The following PDE1A variants were observed in gnomAD, a reference collection of about 807,000 sequenced individuals.
PDE1A encodes the protein dual specificity calcium/calmodulin-dependent 3',5'-cyclic nucleotide phosphodiesterase 1A.
Under a neutral mutation model 61.7 loss-of-function variants are expected in PDE1A, and 35 were observed. That is an observed-to-expected ratio of 0.57 (90% CI 0.43 to 0.75). The LOEUF is 0.75. PDE1A is among the 30% of genes least tolerant of loss of function. The pLI is 0.00. For missense variants in PDE1A, 597 were observed against 630.6 expected (o/e 0.95, Z 0.57); for synonymous variants, 232 against 213.2 (o/e 1.09, Z -0.77).
At chr2:182,263,204 A>G (rs1421704368) in intron 2 of PDE1A, among the ~76,000 whole-genome samples, 1 of 152,114 alleles carries the variant, frequency 6.6e-6, no homozygotes, top group Non-Finnish European at 1.5e-5. Flanking sequence ...TGCGAGAGGC[A>G]GGAAATTATA....
chr2:182,527,379 T>C (rs1250133302), upstream of PDE1A, among the ~76,000 whole-genome samples: 13 of 85,038 alleles, frequency 1.5e-4, no homozygotes, highest in Non-Finnish European at 3.1e-4. Context: ...TATATACACA[T>C]ATATATATAC....
chr2:182,152,765 T>TGTATGTGTTCGTTTACTTTGCA (rs1690860775), intron 13 of PDE1A, among the ~76,000 whole-genome samples: 1 of 152,110 alleles, frequency 6.6e-6, no homozygotes, highest in Non-Finnish European at 1.5e-5. Context: ...AAGAAGCAGT[T>TGTATGTGTTCGTTTACTTTGCA]GTATGTGTTC....
chr2:182,146,703 C>T (rs1196641561), downstream of PDE1A, among the ~76,000 whole-genome samples: 1 of 152,120 alleles, frequency 6.6e-6, no homozygotes, highest in African/African-American at 2.4e-5. Context: ...CCGGGCTGGT[C>T]TCAAACTCCT....
intron 1 of PDE1A, among the ~76,000 whole-genome samples, chr2:182,381,089 G>A (rs1700707389): frequency 6.6e-6 from 1 of 152,142 alleles, no homozygotes; most frequent in South Asian, 2.1e-4. Context: ...TCTAGAAGTG[G>A]TCAGGACAGG....
At chr2:182,175,306 T>C (rs981288809) in intron 13 of PDE1A, among the ~76,000 whole-genome samples, 2 of 152,202 alleles carry the variant, frequency 1.3e-5, no homozygotes, top group African/African-American at 4.8e-5. Flanking sequence ...ACCAACAGTG[T>C]AAAAGCATTC....
intron 2 of PDE1A, among the ~76,000 whole-genome samples, chr2:182,452,324 G>T (rs1465969293): frequency 6.6e-6 from 1 of 152,008 alleles, no homozygotes; most frequent in African/African-American, 2.4e-5. Flanking sequence ...AATCCAAGCA[G>T]CATATTTTAC....
the PDE1A span, among the ~76,000 whole-genome samples, chr2:182,583,196 T>A: frequency 1.3e-5 from 2 of 152,172 alleles, no homozygotes; most frequent in Non-Finnish European, 2.9e-5. Context: ...TGTTCTTTTT[T>A]CAATAGCTGA....
chr2:182,225,472 C>T (rs959311424), intron 6 of PDE1A, among the ~76,000 whole-genome samples: 9 of 151,832 alleles, frequency 5.9e-5, no homozygotes, highest in Admixed American at 4.6e-4. Context: ...TCATGATATT[C>T]GGCACATATT....
intron 11 of PDE1A, among the ~76,000 whole-genome samples, chr2:182,188,643 G>A (rs950478006): frequency 6.6e-6 from 1 of 152,174 alleles, no homozygotes; most frequent in Non-Finnish European, 1.5e-5. Context: ...TTTTCATTGA[G>A]TTGACCTATA....
chr2:182,155,604 T>C, intron 13 of PDE1A, among the ~76,000 whole-genome samples: 1 of 152,124 alleles, frequency 6.6e-6, no homozygotes, highest in East Asian at 1.9e-4. Context: ...AAGCCCCACA[T>C]GTCAGCCAGG....
intron 1 of PDE1A, among the ~76,000 whole-genome samples, chr2:182,308,892 CTA>C (rs1348510102): frequency 2.0e-5 from 3 of 151,930 alleles, no homozygotes; most frequent in African/African-American, 7.2e-5. Context: ...GAGAATTCTG[CTA>C]TGTTTATTTT....
At chr2:182,649,920 T>G in the PDE1A span, among the ~76,000 whole-genome samples, 1 of 152,248 alleles carries the variant, frequency 6.6e-6, no homozygotes, top group East Asian at 1.9e-4. Flanking sequence ...CAAAAAAATT[T>G]TTTTTTAAAT....
intron 1 of PDE1A, among the ~76,000 whole-genome samples, chr2:182,393,955 T>C (rs1165038588): frequency 6.6e-6 from 1 of 152,234 alleles, no homozygotes; most frequent in Non-Finnish European, 1.5e-5. Flanking sequence ...TTCCCACATC[T>C]TACTGTCTTC....
chr2:182,640,415 G>A, the PDE1A span, among the ~76,000 whole-genome samples: 1 of 152,226 alleles, frequency 6.6e-6, no homozygotes, highest in East Asian at 1.9e-4. Context: ...AAAACAGGAA[G>A]GGCATTAAGG....
At position 182,171,658 on chromosome 2, in the gene PDE1A, G is replaced by T. The variant is rs1030929667; in HGVS notation, c.1517-3368C>A. Among the ~76,000 whole-genome samples, 4 of 151,552 alleles carry T rather than the reference G, an allele frequency of 2.6e-5. No individual in the cohort carries two copies. The South Asian group carries it at 6.3e-4, about 24-fold the overall frequency. On this transcript the variant is annotated intron_variant, in intron 13 of 13. Transcript: ENST00000351439. ...AAGTATTTTCAGCACTTGGAGCGGG[G>T]CTAATTATTGGGGGTATATAACAAA...
At chr2:182,463,306 G>A (rs1686433520) in intron 2 of PDE1A, among the ~76,000 whole-genome samples, 1 of 151,758 alleles carries the variant, frequency 6.6e-6, no homozygotes, top group South Asian at 2.1e-4. Flanking sequence ...GGGTCTCAAT[G>A]TATCTGAAAA....
chr2:182,180,516 C>T (rs1243329421), intron 13 of PDE1A, among the ~76,000 whole-genome samples: 1 of 152,148 alleles, frequency 6.6e-6, no homozygotes, highest in African/African-American at 2.4e-5. Context: ...TGCCCTTAAA[C>T]ATTTTTTCCT....
upstream of PDE1A, among the ~76,000 whole-genome samples, chr2:182,427,249 G>A (rs939181317): frequency 6.6e-6 from 1 of 152,154 alleles, no homozygotes; most frequent in Non-Finnish European, 1.5e-5. Flanking sequence ...TTACAATCTT[G>A]CTTGTATTCA....
At chr2:182,554,463 C>G in the PDE1A span, among the ~76,000 whole-genome samples, 1 of 152,094 alleles carries the variant, frequency 6.6e-6, no homozygotes, top group Non-Finnish European at 1.5e-5. Context: ...CCTTGCCAAG[C>G]CATCTTCTGG....
Sources: allele counts gnomAD v4.1 joint callset (sites outside exome capture counted in the v4.1 genomes callset), GRCh38; gene constraint gnomAD v4.1.1; transcripts MANE v1.5; gene names NCBI Gene and HGNC (gene_info 2026-07-23, HGNC 2026-07-21).